AGBL4: variants seen among roughly 807,000 people sequenced by gnomAD.
AGBL4 encodes the protein cytosolic carboxypeptidase 6.
AGBL4 carries 58 observed loss-of-function variants against 66.4 expected under a neutral mutation model. The ratio of observed to expected loss-of-function variants is 0.87; its 90% CI spans 0.71 to 1.09. The LOEUF (loss-of-function observed/expected upper bound fraction) is 1.09, where lower values mean the gene tolerates loss of function less well. AGBL4 is among the 50% of genes least tolerant of loss of function. The pLI is 0.00. For synonymous variants in AGBL4, 234 were observed against 222.9 expected, an observed-to-expected ratio of 1.05 and a Z score of -0.44; for missense variants, 579 against 631.0, an observed-to-expected ratio of 0.92 and a Z score of 0.88.
intron 3 of AGBL4, among the ~76,000 whole-genome samples, chr1:49,587,355 T>G (rs916723090): frequency 7.9e-5 from 12 of 152,060 alleles, no homozygotes; most frequent in African/African-American, 2.7e-4. Flanking sequence ...ATAATCTACT[T>G]TGAGTACCTA....
chr1:49,237,353 GCTC>G lies in AGBL4; in HGVS notation c.377+8414_377+8416del, dbSNP rs1484241611. ...CCACCATCCATGTAAGATATGACTTGCTCTTCTTTGTCTTCCACCATGATTGTG... is the reference window on the plus strand; with the variant it reads ...CCACCATCCATGTAAGATATGACTTGTTCTTTGTCTTCCACCATGATTGTG... On this transcript the variant is annotated intron_variant, in intron 4 of 13. Coordinates refer to ENST00000371839, the MANE Select transcript of AGBL4 (RefSeq NM_032785.4). 1.1e-4 allele frequency among the ~76,000 whole-genome samples: 17 copies of G among 151,306 alleles called. 1 individual carries two copies. Among genetic ancestry groups the G allele is most frequent in the African/African-American group, 3.7e-4 (15 of 41,072 alleles).
intron 3 of AGBL4, among the ~76,000 whole-genome samples, chr1:49,630,054 T>C (rs1645541078): frequency 6.6e-6 from 1 of 152,184 alleles, no homozygotes; most frequent in African/African-American, 2.4e-5. Flanking sequence ...TTGCCTACAA[T>C]TAAAATAACT....
At chr1:49,312,678 A>C (rs951431287) in intron 3 of AGBL4, among the ~76,000 whole-genome samples, 1 of 152,074 alleles carries the variant, frequency 6.6e-6, no homozygotes, top group African/African-American at 2.4e-5. Context: ...CTGAATAGAC[A>C]CCTGACCAAA....
At chr1:49,135,264 C>T (rs1645987438) in intron 4 of AGBL4, among the ~76,000 whole-genome samples, 1 of 151,874 alleles carries the variant, frequency 6.6e-6, no homozygotes, top group Non-Finnish European at 1.5e-5. Context: ...TGGGTTATTG[C>T]TATATGAAAA....
At chr1:49,695,395 T>C (rs1646964554) in intron 3 of AGBL4, among the ~76,000 whole-genome samples, 1 of 152,134 alleles carries the variant, frequency 6.6e-6, no homozygotes, top group African/African-American at 2.4e-5. Flanking sequence ...CTAGTACATG[T>C]GACTAAAGCC....
chr1:49,371,283 A>ACATACATG (rs1644340162), intron 3 of AGBL4, among the ~76,000 whole-genome samples: 1 of 151,976 alleles, frequency 6.6e-6, no homozygotes, highest in African/African-American at 2.4e-5. Flanking sequence ...ATACATACAT[A>ACATACATG]CATACACACA....
At chr1:48,733,928 C>A (rs777773358) in intron 6 of AGBL4, among the ~76,000 whole-genome samples, 3 of 152,158 alleles carry the variant, frequency 2.0e-5, no homozygotes, top group Non-Finnish European at 4.4e-5. Context: ...AGGAGACACA[C>A]AGCAGATGAT....
At chr1:49,989,602 A>G (rs762967625) in intron 1 of AGBL4, among the ~76,000 whole-genome samples, 6 of 152,210 alleles carry the variant, frequency 3.9e-5, no homozygotes, top group Non-Finnish European at 5.9e-5. Context: ...CCCATAATTG[A>G]CATCAATGAA....
At chr1:48,628,884 C>T (rs569107539) in intron 9 of AGBL4, among the ~76,000 whole-genome samples, 9 of 136,254 alleles carry the variant, frequency 6.6e-5, no homozygotes, top group Non-Finnish European at 4.6e-5. Context: ...GCACTGTTTG[C>T]TTAATTATAG....
chr1:48,555,504 C>A, intron 11 of AGBL4, among the ~76,000 whole-genome samples: 1 of 152,228 alleles, frequency 6.6e-6, no homozygotes, highest in Middle Eastern at 3.4e-3. Context: ...ATGTTTGTCA[C>A]GGCTGGAATA....
chr1:48,709,940 A>T (rs1021399737), intron 6 of AGBL4, among the ~76,000 whole-genome samples: 1 of 152,120 alleles, frequency 6.6e-6, no homozygotes, highest in Non-Finnish European at 1.5e-5. Flanking sequence ...TAATTAACCA[A>T]TTGAATCTTT....
intron 3 of AGBL4, among the ~76,000 whole-genome samples, chr1:49,688,186 C>T (rs968910818): frequency 1.3e-5 from 2 of 152,124 alleles, no homozygotes; most frequent in African/African-American, 4.8e-5. Flanking sequence ...TATTATTATA[C>T]CCACTTCCAC....
intron 4 of AGBL4, among the ~76,000 whole-genome samples, chr1:49,111,314 G>T (rs531417154): frequency 1.3e-5 from 2 of 152,032 alleles, no homozygotes; most frequent in South Asian, 2.1e-4. Flanking sequence ...AGGTTTCACC[G>T]TGTTAGCCAG....
At chr1:49,241,100 C>A (rs562580313) in intron 4 of AGBL4, among the ~76,000 whole-genome samples, 1 of 152,158 alleles carries the variant, frequency 6.6e-6, no homozygotes, top group South Asian at 2.1e-4. Flanking sequence ...CAACCCAATC[C>A]ATCATTAGCT....
chr1:48,964,916 TCAAA>T lies in AGBL4; in HGVS notation c.594+80664_594+80667del, dbSNP rs553157826. On this transcript the variant is annotated intron_variant, in intron 5 of 13. Coordinates refer to ENST00000371839, the MANE Select transcript of AGBL4 (RefSeq NM_032785.4). ...GATGCTCAGAGAGGATGAAAAAAAA[TCAAA>T]CAGTTTGTTGATGGTAAAGCCAGGG... 1.4e-3 allele frequency among the ~76,000 whole-genome samples: 219 copies of T among 152,160 alleles called. 1 individual carries two copies. The highest frequency in any genetic ancestry group is 7.7e-3 in the Admixed American group (117 of 15,258).
intron 3 of AGBL4, among the ~76,000 whole-genome samples, chr1:49,331,935 G>A (rs575964354): frequency 1.3e-5 from 2 of 152,286 alleles, no homozygotes. Context: ...AGTTCCGGCG[G>A]GGAGGAGGAG....
intron 4 of AGBL4, among the ~76,000 whole-genome samples, chr1:49,118,771 G>A (rs1446789800): frequency 6.6e-6 from 1 of 152,192 alleles, no homozygotes; most frequent in East Asian, 1.9e-4. Context: ...CAGATGGAAT[G>A]GTACCAGCAC....
chr1:49,814,325 C>T (rs1200783051), intron 2 of AGBL4, among the ~76,000 whole-genome samples: 4 of 152,030 alleles, frequency 2.6e-5, no homozygotes, highest in African/African-American at 4.8e-5. Context: ...ACATGAGTAG[C>T]GTATTTAAGG....
intron 3 of AGBL4, among the ~76,000 whole-genome samples, chr1:49,262,036 C>T (rs1337920257): frequency 6.6e-6 from 1 of 151,770 alleles, no homozygotes; most frequent in African/African-American, 2.4e-5. Flanking sequence ...CTTTGACAAA[C>T]CTGAGAAAAA....
Sources: gnomAD v4.1 joint callset for allele counts (sites outside exome capture counted in the v4.1 genomes callset) on GRCh38, gnomAD v4.1.1 for gene constraint, MANE v1.5 for transcripts, NCBI Gene and HGNC (gene_info 2026-07-23, HGNC 2026-07-21) for gene names.